Variants in KANSL1 observed in about 807,000 individuals in gnomAD.
The protein encoded by KANSL1 is MLL1/MLL complex subunit KANSL1.
Under a neutral mutation model 103.6 loss-of-function variants are expected in KANSL1, and 22 were observed. The ratio of observed to expected loss-of-function variants is 0.21; its 90% CI spans 0.15 to 0.30. KANSL1 has a LOEUF of 0.30. KANSL1 is among the 10% of genes least tolerant of loss of function. The pLI is 1.00. For missense variants in KANSL1, 1,337 were observed against 1,399.8 expected (o/e 0.96, Z 0.72); for synonymous variants, 600 against 527.6 (o/e 1.14, Z -1.88).
intron 3 of KANSL1, among the ~76,000 whole-genome samples, chr17:46,092,288 T>A (rs1188814786): frequency 6.6e-6 from 1 of 152,204 alleles, no homozygotes; most frequent in Non-Finnish European, 1.5e-5. Context: ...TTTTCAGATA[T>A]TTTGATATTT....
chr17:46,086,120 C>A (rs536109512), intron 3 of KANSL1, among the ~76,000 whole-genome samples: 1 of 152,200 alleles, frequency 6.6e-6, no homozygotes, highest in South Asian at 2.1e-4. Flanking sequence ...ATAAATAAAT[C>A]TAACAATTAG....
intron 4 of KANSL1, 90 bp from the exon 5 acceptor site, chr17:46,067,757 TA>T: frequency 2.9e-6 from 2 of 693,890 alleles, no homozygotes; most frequent in Non-Finnish European, 5.1e-6. Context: ...ACAAAGCACC[TA>T]AAACTTCTGA....
Position 46,066,520 on chromosome 17 carries a change from C to A in KANSL1, c.1848+17G>T. 6.3e-7 allele frequency: 1 copy of A among 1,588,544 alleles called. No homozygotes were observed. The highest frequency in any genetic ancestry group is 8.6e-7 in the Non-Finnish European group (1 of 1,163,696). ...TGGCTCACTGCTTGACAATGACCAA[C>A]TCTCATCTGTACCGACCTTCTTGGA... On this transcript the variant is annotated intron_variant, in intron 6 of 14. Coordinates refer to ENST00000432791, the MANE Select transcript of KANSL1 (RefSeq NM_015443.4).
chr17:46,118,637 C>T (rs551967353), intron 2 of KANSL1, among the ~76,000 whole-genome samples: 1 of 152,326 alleles, frequency 6.6e-6, no homozygotes, highest in Admixed American at 6.5e-5. Context: ...CTAGAGACCA[C>T]ATTTTGATGA....
At chr17:46,208,724 C>T (rs1471593912) in intron 1 of KANSL1, among the ~76,000 whole-genome samples, 1 of 151,740 alleles carries the variant, frequency 6.6e-6, no homozygotes, top group East Asian at 1.9e-4. Context: ...TTCCTCTCCG[C>T]GTCAGTCTGT....
At chr17:46,131,906 A>G (rs1377837499) in intron 2 of KANSL1, among the ~76,000 whole-genome samples, 1 of 152,182 alleles carries the variant, frequency 6.6e-6, no homozygotes, top group Admixed American at 6.5e-5. Flanking sequence ...AGGCAGGTGG[A>G]TCACAAACTC....
intron 2 of KANSL1, among the ~76,000 whole-genome samples, chr17:46,126,240 G>A (rs992205449): frequency 9.2e-5 from 14 of 152,132 alleles, no homozygotes; most frequent in Non-Finnish European, 1.8e-4. Context: ...TCAGGAGTTC[G>A]AGACCAGCCT....
chr17:46,038,074 T>C (rs8077487), intron 10 of KANSL1: 35,599 of 157,974 alleles, frequency 0.23, 4,593 homozygotes, highest in African/African-American at 0.32. Flanking sequence ...TGTTTATTCT[T>C]AGTACTTCAC....
At chr17:46,191,737 T>C (rs899708481) in intron 1 of KANSL1, among the ~76,000 whole-genome samples, 4 of 152,136 alleles carry the variant, frequency 2.6e-5, no homozygotes, top group Admixed American at 1.3e-4. Flanking sequence ...TTTAAAAATA[T>C]AAACACACAC....
chr17:46,100,529 G>T (rs894294665), intron 2 of KANSL1, among the ~76,000 whole-genome samples: 3 of 151,820 alleles, frequency 2.0e-5, no homozygotes, highest in African/African-American at 4.8e-5. Flanking sequence ...CAAATTCAGG[G>T]TTCAGCTTAC....
chr17:46,108,715 C>CTTT (rs2042675159), intron 2 of KANSL1, among the ~76,000 whole-genome samples: 1 of 152,204 alleles, frequency 6.6e-6, no homozygotes, highest in Non-Finnish European at 1.5e-5. Flanking sequence ...ATGATCCTAA[C>CTTT]TTTTCCTTAC....
At chr17:46,196,427 A>T (rs1397695570), upstream of KANSL1, 2 of 456,198 alleles carry the variant, frequency 4.4e-6, no homozygotes. Flanking sequence ...GAACTGTGAG[A>T]AAAGGTTCTT....
At chr17:46,122,634 T>C (rs1472948402) in intron 2 of KANSL1, among the ~76,000 whole-genome samples, 1 of 152,214 alleles carries the variant, frequency 6.6e-6, no homozygotes, top group African/African-American at 2.4e-5. Flanking sequence ...ACAAATTCAA[T>C]GTTTATGGCA....
At chr17:46,073,951 G>GT (rs1344437631) in intron 4 of KANSL1, among the ~76,000 whole-genome samples, 1 of 152,038 alleles carries the variant, frequency 6.6e-6, no homozygotes, top group Non-Finnish European at 1.5e-5. Flanking sequence ...TGAACTTACG[G>GT]TTTTTTATAT....
intron 1 of KANSL1, chr17:46,221,549 A>G (rs1419958676): frequency 6.8e-6 from 1 of 147,522 alleles, no homozygotes; most frequent in East Asian, 1.9e-4. Context: ...CTAATTAACG[A>G]GAGTGCCTTA....
intron 2 of KANSL1, among the ~76,000 whole-genome samples, chr17:46,114,167 T>G (rs576231989): frequency 1.3e-5 from 2 of 152,208 alleles, no homozygotes; most frequent in African/African-American, 4.8e-5. Context: ...TAGACCAGCG[T>G]GGCCAATACG....
intron 2 of KANSL1, chr17:46,169,670 GCT>G (rs1187705474): frequency 2.0e-5 from 3 of 152,188 alleles, no homozygotes; most frequent in Admixed American, 6.5e-5. Context: ...AACTCCTCAT[GCT>G]CTCTCTCAAA....
intron 2 of KANSL1, among the ~76,000 whole-genome samples, chr17:46,153,219 G>A (rs376066283): frequency 1.3e-5 from 2 of 152,136 alleles, no homozygotes; most frequent in African/African-American, 2.4e-5. Flanking sequence ...GCTCATCAAC[G>A]CATTTTAGTT....
At chr17:46,157,232 G>GT in intron 2 of KANSL1, among the ~76,000 whole-genome samples, 1 of 152,310 alleles carries the variant, frequency 6.6e-6, no homozygotes, top group African/African-American at 2.4e-5. Flanking sequence ...CCTGATCACT[G>GT]TTTAAGTACT....
Sources: gnomAD v4.1 joint callset for allele counts (sites outside exome capture counted in the v4.1 genomes callset) on GRCh38, gnomAD v4.1.1 for gene constraint, MANE v1.5 for transcripts, NCBI Gene and HGNC (gene_info 2026-07-23, HGNC 2026-07-21) for gene names.